The following A2ML1 variants were observed in gnomAD, a reference collection of about 807,000 sequenced individuals.
A2ML1 encodes the protein alpha-2-macroglobulin like 1.
Under a neutral mutation model 181.9 loss-of-function variants are expected in A2ML1, and 161 were observed. The ratio of observed to expected loss-of-function variants is 0.89; its 90% CI spans 0.78 to 1.01. The LOEUF is 1.01. Ranked by LOEUF, A2ML1 falls within the 50% of genes least tolerant of loss-of-function variation. The pLI is 0.00. For missense variants in A2ML1, 1,670 were observed against 1,768.1 expected, an observed-to-expected ratio of 0.94 and a Z score of 1.00; for synonymous variants, 663 against 666.8, an observed-to-expected ratio of 0.99 and a Z score of 0.09.
chr12:8,841,025 A>AGGAAGGAAGGACGGAC (rs1565471242), intron 10 of A2ML1, among the ~76,000 whole-genome samples: 18 of 126,334 alleles, frequency 1.4e-4, no homozygotes, highest in Middle Eastern at 4.6e-3. Flanking sequence ...GAAGGAAGGA[A>AGGAAGGAAGGACGGAC]GGAAGGAAGG....
At chr12:8,839,290 GC>G in intron 10 of A2ML1, 68 bp downstream of exon 10, 1 of 1,112,360 alleles carries the variant, frequency 9.0e-7, no homozygotes, top group Non-Finnish European at 1.3e-6. Context: ...CCTTCCTGCA[GC>G]CATAGCCACA....
rs763332808 is a variant in A2ML1 at position 8,848,782 on chromosome 12, G to T, written c.1896G>T (p.Gln632His). The stretch of plus-strand genomic sequence containing the variant: ...CCTATCAAGTGGCTGAGTATGATCA[G>T]TGTCCAGTGTCTGGCCCATGGGACT... Reference protein sequence around the residue: ...HYPYQVAEYDQCPVSGPWDFP... With the variant: ...HYPYQVAEYDHCPVSGPWDFP... The change falls in exon 16 of 36, where the codon CAG (glutamine) becomes CAT (histidine). Residue 632 changes from glutamine (Q) to histidine (H), a missense_variant. Gln to His is a conservative substitution (Grantham distance 24). Transcript: ENST00000299698. 1.2e-6 allele frequency: 2 copies of T among 1,614,060 alleles called. No homozygotes were observed. Among genetic ancestry groups the T allele is most frequent in the South Asian group, 2.2e-5 (2 of 91,064 alleles).
chr12:8,837,131 G>A (rs1027003015), intron 7 of A2ML1, among the ~76,000 whole-genome samples: 1 of 152,086 alleles, frequency 6.6e-6, no homozygotes, highest in Non-Finnish European at 1.5e-5. Flanking sequence ...CGATTCTCCT[G>A]CCTCTTCCTC....
At chr12:8,878,089 G>A (rs1276608906), downstream of A2ML1, among the ~76,000 whole-genome samples, 3 of 151,046 alleles carry the variant, frequency 2.0e-5, no homozygotes, top group Non-Finnish European at 2.9e-5. The surrounding 1 kb of genome is among the most constrained non-coding windows in gnomAD (Gnocchi z 4.4). Flanking sequence ...GATCACCTGA[G>A]GTCAGGACTT....
chr12:8,875,626 A>ATGGGG (rs1242965809), intron 35 of A2ML1: 1 of 151,488 alleles, frequency 6.6e-6, no homozygotes, highest in Non-Finnish European at 1.5e-5. Flanking sequence ...TTTAATAGAG[A>ATGGGG]TGGGGTTTCG....
In A2ML1 at chr12:8,847,567, C is replaced by T. The variant is rs1474762209; in HGVS notation, c.1702C>T (p.Pro568Ser). Residue 568 changes from proline to serine, a missense_variant, in exon 15 of 36, where the codon CCC (proline) becomes TCC (serine). Physicochemically the swap from Pro to Ser is moderately conservative, Grantham distance 74 (BLOSUM62 -1). Transcript: ENST00000299698. ...FDNQVSLGFSPSQQLPGAEVE... is the reference protein window; with the variant it reads ...FDNQVSLGFSSSQQLPGAEVE... ...TCCCCAGGTTTCCCTTGGCTTCTCCCCCTCCCAGCAGCTTCCAGGAGCAGA... is the reference window on the plus strand; with the variant it reads ...TCCCCAGGTTTCCCTTGGCTTCTCCTCCTCCCAGCAGCTTCCAGGAGCAGA... The T allele has an allele frequency of 1.2e-6, 2 of 1,611,208 alleles. No homozygotes were observed. The highest frequency in any genetic ancestry group is 1.7e-6 in the Non-Finnish European group (2 of 1,178,982).
In A2ML1 at chr12:8,841,467, T is replaced by C. The variant is rs770139666; in HGVS notation, c.1179T>C (p.Thr393=). ...TNGTFNQTLV[T]DNNGLAPFTL... is the part of the protein sequence containing the mutation. ...GAACCTTCAACCAGACCCTGGTTACTGATAACAATGGCCTAGCTCCCTTTA... is the reference window on the plus strand; with the variant it reads ...GAACCTTCAACCAGACCCTGGTTACCGATAACAATGGCCTAGCTCCCTTTA... Residue 393 remains threonine, a synonymous_variant, in exon 11 of 36, where the codon ACT becomes ACC. Transcript: ENST00000299698. 1.1e-5 allele frequency: 18 copies of C among 1,614,090 alleles called. No individual in the cohort carries two copies. Among genetic ancestry groups the C allele is most frequent in the Admixed American group, 6.7e-5 (4 of 60,008 alleles).
intron 33 of A2ML1, among the ~76,000 whole-genome samples, chr12:8,870,560 C>A (rs55798620): frequency 0.057 from 8,620 of 152,330 alleles, 343 homozygotes; most frequent in Non-Finnish European, 0.088. Flanking sequence ...AGCCACCGCA[C>A]CCAGCCGAGT....
At chr12:8,850,431 TA>T (rs911219038) in intron 18 of A2ML1, among the ~76,000 whole-genome samples, 157 bp downstream of exon 18, 1 of 151,740 alleles carries the variant, frequency 6.6e-6, no homozygotes, top group South Asian at 2.1e-4. Flanking sequence ...CAAAAGAAAT[TA>T]AAAAAATAGC....
At chr12:8,860,787 A>G (rs1944229160) in intron 26 of A2ML1, 94 bp from the exon 27 acceptor site, 9 of 1,009,002 alleles carry the variant, frequency 8.9e-6, no homozygotes, top group South Asian at 1.4e-5. Flanking sequence ...AAAATTATTC[A>G]TCTATTCAGA....
At position 8,838,413 on chromosome 12, in the gene A2ML1, A is replaced by G; in HGVS notation, c.933A>G (p.Gln311=). 1.2e-6 allele frequency: 2 copies of G among 1,613,960 alleles called. No homozygotes were observed. Among genetic ancestry groups the G allele is most frequent in the Non-Finnish European group, 1.7e-6 (2 of 1,179,930 alleles). ...TCATTGGATATGCGTACAGCCATCA[A>G]ATCAATATTGTGGCTACTGTTGTGG... is the stretch of plus-strand genomic sequence containing the variant. ...FDLIGYAYSH[Q]INIVATVVEE... Residue 311 remains glutamine, a synonymous_variant, in exon 9 of 36, where the codon CAA becomes CAG. Coordinates refer to ENST00000299698, the MANE Select transcript of A2ML1 (RefSeq NM_144670.6).
rs1944672675 is a variant in A2ML1 at position 8,872,795 on chromosome 12, AAAAG to A, written c.4222-1626_4222-1623del. ...TGAGACTCCATCTCAAAAAAAAAAA[AAAAG>A]AAAAAGAAAAAGAAAATAACTATTT... On this transcript the variant is annotated intron_variant, in intron 33 of 35. Coordinates refer to ENST00000299698, the MANE Select transcript of A2ML1 (RefSeq NM_144670.6). Among the ~76,000 whole-genome samples the A allele has an allele frequency of 1.1e-4, 16 of 150,236 alleles. 1 individual carries two copies. Among genetic ancestry groups the A allele is most frequent in the African/African-American group, 4.0e-4 (16 of 39,840 alleles).
rs771638103 is a variant in A2ML1, at chr12:8,832,824, T to C, written c.463-1838T>C. Among the ~76,000 whole-genome samples the C allele has an allele frequency of 1.0e-3, 154 of 152,262 alleles. 1 individual carries two copies. Among genetic ancestry groups the C allele is most frequent in the African/African-American group, 3.6e-3 (149 of 41,546 alleles). On this transcript the variant is annotated intron_variant, in intron 4 of 35. Coordinates refer to ENST00000299698, the MANE Select transcript of A2ML1 (RefSeq NM_144670.6). ...TCTTTCACTGTCATCGTTTCCTCAG[T>C]TTTAATTTTGCAAAGTCAGTTTCAT...
At chr12:8,831,437 G>T (rs1419191020) in intron 4 of A2ML1, among the ~76,000 whole-genome samples, 1 of 152,106 alleles carries the variant, frequency 6.6e-6, no homozygotes, top group Non-Finnish European at 1.5e-5. Flanking sequence ...CTGCAGTTAG[G>T]CTCTTTCTCT....
In A2ML1 at chr12:8,848,729, ATGTTTC is replaced by A; in HGVS notation, c.1844_1849del (p.Met615_Pro617delinsThr). On this transcript the variant is annotated inframe_deletion, in exon 16 of 36. Transcript: ENST00000299698. ...CCCCCTCTTGTCCCAGGTCTATGGG[ATGTTTC>A]CATTCTGGTATGGTCACTACCCCTA... 2 of 1,604,218 alleles carry A rather than the reference ATGTTTC, an allele frequency of 1.2e-6. No individual in the cohort carries two copies. The highest frequency in any genetic ancestry group is 1.7e-6 in the Non-Finnish European group (2 of 1,175,556).
intron 16 of A2ML1, among the ~76,000 whole-genome samples, chr12:8,849,238 T>C (rs1283981705): frequency 6.6e-6 from 1 of 152,192 alleles, no homozygotes; most frequent in African/African-American, 2.4e-5. Context: ...GGATTTGGGA[T>C]GCTGTGTGAC....
downstream of A2ML1, among the ~76,000 whole-genome samples, chr12:8,878,861 G>T (rs1944840763): frequency 6.6e-6 from 1 of 152,160 alleles, no homozygotes. The surrounding 1 kb of genome is among the most constrained non-coding windows in gnomAD (Gnocchi z 4.4). Context: ...TACTCCGGAG[G>T]CTGAGGTGGG....
intron 11 of A2ML1, among the ~76,000 whole-genome samples, chr12:8,842,221 C>CT (rs763862924): frequency 0.021 from 3,014 of 143,046 alleles, 54 homozygotes; most frequent in African/African-American, 0.044. Context: ...ATGTTTTTTT[C>CT]TTTTTTTTTT....
chr12:8,841,452 C>T lies in A2ML1; in HGVS notation c.1164C>T (p.Asn388=). The part of the protein sequence containing the change: ...LVIYGTNGTF[N]QTLVTDNNGL... ...TTTATGGCACAAATGGAACCTTCAA[C>T]CAGACCCTGGTTACTGATAACAATG... is the stretch of plus-strand genomic sequence containing the variant. The change falls in exon 11 of 36, where the codon AAC becomes AAT. Residue 388 remains asparagine, a synonymous_variant. Transcript: ENST00000299698. The T allele has an allele frequency of 1.2e-6, 2 of 1,614,158 alleles. No individual in the cohort carries two copies. The highest frequency in any genetic ancestry group is 1.1e-5 in the South Asian group (1 of 91,080).
Sources: gnomAD v4.1 joint callset for allele counts (sites outside exome capture counted in the v4.1 genomes callset) on GRCh38, gnomAD v4.1.1 for gene constraint, Gnocchi (gnomAD v3.1) non-coding constraint, MANE v1.5 for transcripts, NCBI Gene and HGNC (gene_info 2026-07-23, HGNC 2026-07-21) for gene names.